Variants in MGAT4B observed in about 807,000 individuals in gnomAD.
The protein encoded by MGAT4B is alpha-1,3-mannosyl-glycoprotein 4-beta-N-acetylglucosaminyltransferase B, also known as N-acetylglucosaminyltransferase IVb.
Under a neutral mutation model 73.9 loss-of-function variants are expected in MGAT4B, and 38 were observed. That is an observed-to-expected ratio of 0.51 (90% CI 0.40 to 0.67). MGAT4B has a LOEUF of 0.67. MGAT4B is among the 30% of genes least tolerant of loss of function. The pLI is 0.00. For synonymous variants in MGAT4B, 373 were observed against 313.5 expected (o/e 1.19, Z -2.01); for missense variants, 686 against 735.2 (o/e 0.93, Z 0.77).
chr5:179,798,299 A>AG, intron 13 of MGAT4B, 22 bp from the exon 14 acceptor site: 2 of 1,612,700 alleles, frequency 1.2e-6, no homozygotes, highest in Non-Finnish European at 1.7e-6. Flanking sequence ...CAGTGGTGAG[A>AG]GGGTGTCCCT....
intron 8 of MGAT4B, 41 bp from the exon 9 acceptor site, chr5:179,799,677 A>G: frequency 6.2e-7 from 1 of 1,611,430 alleles, no homozygotes; most frequent in Non-Finnish European, 8.5e-7. Context: ...TGCTCTGCCT[A>G]CTTCCTTTCT....
At chr5:179,802,308 T>C in intron 1 of MGAT4B, 7 of 1,379,150 alleles carry the variant, frequency 5.1e-6, no homozygotes, top group Middle Eastern at 2.7e-4. Context: ...CTGAATCCGC[T>C]CCATCCGTTG....
chr5:179,801,189 T>A lies in MGAT4B; in HGVS notation c.558+145A>T. On this transcript the variant is annotated intron_variant, in intron 4 of 14. Coordinates refer to ENST00000292591, the MANE Select transcript of MGAT4B (RefSeq NM_014275.5). The surrounding 1 kb of genome is among the most constrained non-coding windows in gnomAD (Gnocchi z 4.8). ...GGGGTAGAGGGTGCCAGAAAGCCCTTTCAACTTTCTATCTCGGAGCATTTG... is the reference window on the plus strand; with the variant it reads ...GGGGTAGAGGGTGCCAGAAAGCCCTATCAACTTTCTATCTCGGAGCATTTG... 7.7e-7 allele frequency: 1 copy of A among 1,299,316 alleles called. No homozygotes were observed. Among genetic ancestry groups the A allele is most frequent in the South Asian group, 1.5e-5 (1 of 67,988 alleles). 80.5% of individuals were successfully genotyped at this position (1,299,316 alleles called of 1,614,324 possible).
Position 179,801,056 on chromosome 5 carries a change from G to A in MGAT4B, c.559-103C>T, listed in dbSNP as rs1395302540. ...GGCTTCAGATGCCCCCCACGTGGAG[G>A]GAGTGAGCCTGCTGTGCTGAGGGCG... On this transcript the variant is annotated intron_variant, in intron 4 of 14. Transcript: ENST00000292591. This position sits in a 1 kb window ranked among gnomAD's most constrained non-coding sequence, Gnocchi z 4.8. 2.1e-6 allele frequency: 3 copies of A among 1,426,676 alleles called. No individual in the cohort carries two copies. The East Asian group carries it at 7.0e-5, about 33-fold the overall frequency. 88.4% of individuals were successfully genotyped at this position (1,426,676 alleles called of 1,614,324 possible).
At position 179,800,245 on chromosome 5, in the gene MGAT4B, T is replaced by C; in HGVS notation, c.734A>G (p.Gln245Arg). The C allele has an allele frequency of 6.2e-7, 1 of 1,613,408 alleles. No homozygotes were observed. Among genetic ancestry groups the C allele is most frequent in the Non-Finnish European group, 8.5e-7 (1 of 1,180,004 alleles). Reference sequence around the variant, plus strand: ...CATGAGGAAGCAGTAATCGAGGTTCTGTTTGGTCCTCCACCTGTGGGCCGG... The same window carrying C: ...CATGAGGAAGCAGTAATCGAGGTTCCGTTTGGTCCTCCACCTGTGGGCCGG... ...PKERVRWRTK[Q>R]NLDYCFLMMY... is the part of the protein sequence containing the mutation. The change falls in exon 7 of 15, where the codon CAG becomes CGG. Residue 245 changes from glutamine to arginine, a missense_variant. This residue lies in a region of MGAT4B where 449 missense variants were observed against 536.8 expected (regional missense o/e 0.84). Transcript: ENST00000292591.
chr5:179,805,645 GACAGGGAA>G (rs997022226), intron 1 of MGAT4B, among the ~76,000 whole-genome samples: 1 of 152,264 alleles, frequency 6.6e-6, no homozygotes, highest in African/African-American at 2.4e-5. Context: ...GGCGCTCCGG[GACAGGGAA>G]ACAGGGAAGC....
In MGAT4B at chr5:179,801,668, C is replaced by T. The variant is rs746710041; in HGVS notation, c.310G>A (p.Gly104Ser). 4.4e-6 allele frequency: 7 copies of T among 1,607,580 alleles called. No homozygotes were observed. The highest frequency in any genetic ancestry group is 2.2e-5 in the East Asian group (1 of 44,606). ...TEDPRLKPWN[G>S]SHRHVLHLPT... ...AGGTGCAGCACGTGCCGGTGTGAGC[C>T]GTTCCACGGCTTCAATCGGGGGTCC... Residue 104 changes from glycine to serine, a missense_variant, in exon 3 of 15, where the codon GGC becomes AGC. This residue lies in a region of MGAT4B where 237 missense variants were observed against 198.5 expected (regional missense o/e 1.19). Transcript: ENST00000292591. The surrounding 1 kb of genome is among the most constrained non-coding windows in gnomAD (Gnocchi z 4.8).
In MGAT4B at chr5:179,799,057, G is replaced by C. The variant is rs1248923498; in HGVS notation, c.1214C>G (p.Thr405Arg). 1.2e-6 allele frequency: 2 copies of C among 1,613,978 alleles called. No homozygotes were observed. The highest frequency in any genetic ancestry group is 1.7e-6 in the Non-Finnish European group (2 of 1,180,040). ...GAAGTGCTGGTATGTCTTCAGGCTCGTGCTCACCTCTGCTGGCGGGTTCAC... is the reference window on the plus strand; with the variant it reads ...GAAGTGCTGGTATGTCTTCAGGCTCCTGCTCACCTCTGCTGGCGGGTTCAC... The part of the protein sequence containing the change: ...EHVNPPAEVS[T>R]SLKTYQHFTL... The change falls in exon 11 of 15, where the codon ACG becomes AGG. Residue 405 changes from threonine (T) to arginine (R), a missense_variant. By Grantham distance (71) the Thr-to-Arg change is moderately conservative (BLOSUM62 -1). Coordinates refer to ENST00000292591, the MANE Select transcript of MGAT4B (RefSeq NM_014275.5).
intron 1 of MGAT4B, chr5:179,803,504 C>T (rs1757028609): frequency 6.5e-6 from 1 of 153,278 alleles, no homozygotes; most frequent in African/African-American, 2.4e-5. Context: ...GGAATGGGTT[C>T]AGAGCCACCT....
Position 179,797,984 on chromosome 5 carries a change from C to G in MGAT4B, c.*61G>C, listed in dbSNP as rs779194357. 7 of 1,568,396 alleles carry G rather than the reference C, an allele frequency of 4.5e-6. No homozygotes were observed. Among genetic ancestry groups the G allele is most frequent in the Non-Finnish European group, 6.1e-6 (7 of 1,154,560 alleles). ...TCTGGCCCTCCGGGGACGGCAGTGA[C>G]GACACCCCCAGAAATGTGGGCTTCA... On this transcript the variant is annotated 3_prime_UTR_variant, in exon 15 of 15. Coordinates refer to ENST00000292591, the MANE Select transcript of MGAT4B (RefSeq NM_014275.5).
At chr5:179,798,735 G>A in intron 11 of MGAT4B, 144 bp from the exon 12 acceptor site, 1 of 1,110,720 alleles carries the variant, frequency 9.0e-7, no homozygotes, top group Non-Finnish European at 1.3e-6. Flanking sequence ...GCCTTCCTCT[G>A]GGAGGATGGT....
chr5:179,802,437 A>C, intron 1 of MGAT4B: 1 of 1,092,868 alleles, frequency 9.2e-7, no homozygotes, highest in Non-Finnish European at 1.1e-6. Context: ...CTCACCCTGC[A>C]CTGGATTCTT....
chr5:179,803,003 G>A (rs971509409), intron 1 of MGAT4B: 10 of 985,368 alleles, frequency 1.0e-5, no homozygotes, highest in African/African-American at 3.5e-5. Context: ...CCAGAGTTGC[G>A]TGGGATGGCC....
chr5:179,799,388 G>A, intron 9 of MGAT4B, 78 bp from the exon 10 acceptor site: 1 of 1,600,140 alleles, frequency 6.2e-7, no homozygotes, highest in Middle Eastern at 1.8e-4. Flanking sequence ...GACTACCAGG[G>A]CCCTCCCACA....
rs1562625072 is a variant in MGAT4B, at chr5:179,805,987, TCC to T, written c.97+498_97+499del. ...GGCTGCCTCAGGACGCCTCCCTCCC[TCC>T]CTCCCTCCCTCCCACAGGCCGGATG... is the stretch of plus-strand genomic sequence containing the variant. On this transcript the variant is annotated intron_variant, in intron 1 of 14. Coordinates refer to ENST00000292591, the MANE Select transcript of MGAT4B (RefSeq NM_014275.5). 5.2e-3 allele frequency among the ~76,000 whole-genome samples: 756 copies of T among 144,766 alleles called. 5 individuals carry two copies. The highest frequency in any genetic ancestry group is 0.018 in the African/African-American group (730 of 40,094). The allele number at this position is 144,766 out of a possible 152,430, so 95.0% of individuals were successfully genotyped here.
chr5:179,800,483 C>T lies in MGAT4B; in HGVS notation c.719+1G>A. ...TGAGGGTATGGGGGAGTAACTAGTACCTGACTCTCTCCTTGGGGTCCCCAA... is the reference window on the plus strand; with the variant it reads ...TGAGGGTATGGGGGAGTAACTAGTATCTGACTCTCTCCTTGGGGTCCCCAA... On this transcript the variant is annotated splice_donor_variant, in intron 6 of 14. Transcript: ENST00000292591. LOFTEE classifies it high-confidence loss of function. 6.3e-7 allele frequency: 1 copy of T among 1,592,770 alleles called. No homozygotes were observed. Among genetic ancestry groups the T allele is most frequent in the Non-Finnish European group, 8.6e-7 (1 of 1,166,484 alleles).
chr5:179,800,931 G>A lies in MGAT4B; in HGVS notation c.581C>T (p.Ala194Val). The change falls in exon 5 of 15, where the codon GCA (alanine) becomes GTA (valine). Residue 194 changes from alanine to valine, a missense_variant. Transcript: ENST00000292591. ...IAETDSQYTS[A>V]VTENIKALFP... ...CAAGGCCTTGATGTTCTCTGTCACT[G>A]CCGAAGTGTACTGTGAGTCAGTCTG... The A allele has an allele frequency of 6.2e-7, 1 of 1,613,888 alleles. No individual in the cohort carries two copies. The highest frequency in any genetic ancestry group is 8.5e-7 in the Non-Finnish European group (1 of 1,179,958).
In MGAT4B at chr5:179,800,513, C is replaced by A. The variant is rs1229597019; in HGVS notation, c.690G>T (p.Glu230Asp). 6.2e-7 allele frequency: 1 copy of A among 1,611,140 alleles called. No homozygotes were observed. Among genetic ancestry groups the A allele is most frequent in the Non-Finnish European group, 8.5e-7 (1 of 1,179,224 alleles). Residue 230 changes from glutamate to aspartate, a missense_variant, in exon 6 of 15, where the codon GAG becomes GAT. Physicochemically the swap from Glu to Asp is conservative, Grantham distance 45. Coordinates refer to ENST00000292591, the MANE Select transcript of MGAT4B (RefSeq NM_014275.5). The stretch of plus-strand genomic sequence containing the variant: ...CTCTCTCCTTGGGGTCCCCAAAGGA[C>A]TCTCGGAGGCGGGAGAAGTCAGGGT... ...HFYPDFSRLRESFGDPKERVR... is the reference protein window; with the variant it reads ...HFYPDFSRLRDSFGDPKERVR...
At chr5:179,798,479 C>G (rs1441890510) in intron 12 of MGAT4B, 34 bp downstream of exon 12, 5 of 1,613,084 alleles carry the variant, frequency 3.1e-6, no homozygotes, top group Non-Finnish European at 3.4e-6. Context: ...ACAGGAGGCC[C>G]GGCTTCAGTG....
Sources: allele counts gnomAD v4.1 joint callset (sites outside exome capture counted in the v4.1 genomes callset), GRCh38; gene constraint gnomAD v4.1.1; regional missense constraint gnomAD v4.1.1; non-coding constraint Gnocchi (gnomAD v3.1); transcripts MANE v1.5; gene names NCBI Gene and HGNC (gene_info 2026-07-23, HGNC 2026-07-21).